Variants in TMPRSS11F observed in about 807,000 individuals in gnomAD.
TMPRSS11F encodes the protein transmembrane protease serine 11F.
TMPRSS11F carries 47 observed loss-of-function variants against 60.2 expected under a neutral mutation model. The ratio of observed to expected loss-of-function variants is 0.78; its 90% CI spans 0.62 to 1.00. The LOEUF (loss-of-function observed/expected upper bound fraction) is 1.00, where lower values mean the gene tolerates loss of function less well. Ranked by LOEUF, TMPRSS11F falls within the 50% of genes least tolerant of loss-of-function variation. The pLI, the probability that TMPRSS11F is intolerant of heterozygous loss-of-function variation, is 0.00. For synonymous variants in TMPRSS11F, 166 were observed against 167.3 expected, an observed-to-expected ratio of 0.99 and a Z score of 0.06; for missense variants, 519 against 522.9, an observed-to-expected ratio of 0.99 and a Z score of 0.07.
At chr4:68,090,312 C>G (rs1170700038) in intron 3 of TMPRSS11F, among the ~76,000 whole-genome samples, 1 of 152,056 alleles carries the variant, frequency 6.6e-6, no homozygotes, top group Non-Finnish European at 1.5e-5. Context: ...GTTGCCTACT[C>G]TAATCTACTA....
intron 1 of TMPRSS11F, among the ~76,000 whole-genome samples, chr4:68,104,394 T>C (rs987365072): frequency 6.6e-6 from 1 of 152,128 alleles, no homozygotes. Flanking sequence ...AGGAGGGACC[T>C]GGTGGGAGGT....
At position 68,068,715 on chromosome 4, in the gene TMPRSS11F, AT is replaced by A; in HGVS notation, c.657del (p.Trp220GlyfsTer8). On this transcript the variant is annotated frameshift_variant, in exon 7 of 10. Transcript: ENST00000356291. LOFTEE classifies it high-confidence loss of function. ...CCTATGAGCTGGAGGCTGGCCTGCC[AT>A]GGCCATTCCCCTTCCATAGCTGTTT... ...GRETAMEGEW[P>X]WQASLQLIGS... 6.2e-7 allele frequency: 1 copy of A among 1,614,224 alleles called. No individual in the cohort carries two copies. The highest frequency in any genetic ancestry group is 8.5e-7 in the Non-Finnish European group (1 of 1,180,018).
At chr4:68,115,356 C>CAAAAAAAAAAAA (rs57550471) in intron 1 of TMPRSS11F, among the ~76,000 whole-genome samples, 1 of 74,690 alleles carries the variant, frequency 1.3e-5, no homozygotes, top group African/African-American at 5.3e-5. Flanking sequence ...GACACCATCT[C>CAAAAAAAAAAAA]AAAAAAAAAA....
chr4:68,068,095 C>A (rs1417830070), intron 7 of TMPRSS11F, among the ~76,000 whole-genome samples: 1 of 152,082 alleles, frequency 6.6e-6, no homozygotes, highest in Non-Finnish European at 1.5e-5. Flanking sequence ...GGGAGTAAGA[C>A]AAGGTAGCAG....
chr4:68,103,519 CCT>C (rs1191443114), intron 1 of TMPRSS11F, among the ~76,000 whole-genome samples: 1 of 151,866 alleles, frequency 6.6e-6, no homozygotes, highest in African/African-American at 2.4e-5. Context: ...GTTTTACTGC[CCT>C]GTTAGTCTTT....
intron 3 of TMPRSS11F, 140 bp downstream of exon 3, chr4:68,090,383 C>T (rs774372494): frequency 4.2e-5 from 54 of 1,296,802 alleles, no homozygotes; most frequent in Non-Finnish European, 5.2e-5. Flanking sequence ...TAATTTAATC[C>T]TCACAACTGT....
At chr4:68,087,700 TA>T (rs1435675304) in intron 3 of TMPRSS11F, among the ~76,000 whole-genome samples, 2 of 11,270 alleles carry the variant, frequency 1.8e-4, no homozygotes, top group Non-Finnish European at 7.0e-4. Flanking sequence ...AGTAGCATTT[TA>T]TTTATTTATT....
intron 2 of TMPRSS11F, among the ~76,000 whole-genome samples, chr4:68,091,474 G>A (rs545095755): frequency 1.3e-4 from 20 of 152,108 alleles, no homozygotes; most frequent in African/African-American, 4.1e-4. Context: ...TTTATCTTTA[G>A]ACCAAACCTT....
chr4:68,108,641 C>T (rs776119491), intron 1 of TMPRSS11F, among the ~76,000 whole-genome samples: 2 of 152,190 alleles, frequency 1.3e-5, no homozygotes, highest in African/African-American at 2.4e-5. Flanking sequence ...TTTCTAATGT[C>T]ACCTCTATAA....
At chr4:68,102,881 A>T (rs535831614) in intron 1 of TMPRSS11F, among the ~76,000 whole-genome samples, 1 of 151,904 alleles carries the variant, frequency 6.6e-6, no homozygotes, top group South Asian at 2.1e-4. Context: ...TACCCAAAAA[A>T]TCACTGCCAA....
At chr4:68,060,384 C>T (rs560649002) in intron 8 of TMPRSS11F, among the ~76,000 whole-genome samples, 1 of 149,986 alleles carries the variant, frequency 6.7e-6, no homozygotes, top group Non-Finnish European at 1.5e-5. Context: ...GGCGTGATGG[C>T]GGGTGCCTGT....
intron 8 of TMPRSS11F, chr4:68,062,118 A>C: frequency 2.2e-6 from 1 of 449,732 alleles, no homozygotes; most frequent in Non-Finnish European, 4.4e-6. Context: ...AGAACATTAC[A>C]AACACCAGGG....
rs561721285 is a variant in TMPRSS11F, at chr4:68,115,174, C to G, written c.11+14636G>C. ...ACCATCCTGGCTAATACGGTGAAAC[C>G]TCGTCTTTACTAAAAAATACAAAAA... On this transcript the variant is annotated intron_variant, in intron 1 of 9. Transcript: ENST00000356291. Among the ~76,000 whole-genome samples the G allele has an allele frequency of 2.2e-4, 33 of 150,730 alleles. No individual in the cohort carries two copies. In the South Asian group the frequency reaches 5.7e-3, roughly 26 times the overall value.
chr4:68,054,262 A>T (rs1722997453), intron 9 of TMPRSS11F, among the ~76,000 whole-genome samples, 195 bp from the exon 10 acceptor site: 1 of 152,120 alleles, frequency 6.6e-6, no homozygotes, highest in African/African-American at 2.4e-5. Flanking sequence ...AGGAAGGCTA[A>T]CATTCATTCA....
intron 8 of TMPRSS11F, among the ~76,000 whole-genome samples, chr4:68,061,149 TAG>T (rs1490405428): frequency 1.3e-5 from 2 of 152,170 alleles, no homozygotes; most frequent in African/African-American, 4.8e-5. Flanking sequence ...CCTGATTAAT[TAG>T]AGTTTCTAAA....
chr4:68,068,891 T>G, intron 6 of TMPRSS11F, 72 bp from the exon 7 acceptor site: 1 of 1,500,010 alleles, frequency 6.7e-7, no homozygotes, highest in Non-Finnish European at 9.2e-7. Flanking sequence ...TTGCTTTGGT[T>G]ATAGACAATC....
At position 68,054,011 on chromosome 4, in the gene TMPRSS11F, A is replaced by T. The variant is rs1330958258; in HGVS notation, c.1215T>A (p.Gly405=). ...YDNHDIWYIV[G]IVSWGQSCAL... ...CACATGATTGTCCCCAACTTACTAT[A>T]CCTACAATGTACCAGATGTCATGAT... The change falls in exon 10 of 10, where the codon GGT becomes GGA. Residue 405 remains glycine, a synonymous_variant. Transcript: ENST00000356291. The T allele has an allele frequency of 6.2e-7, 1 of 1,613,446 alleles. No homozygotes were observed. Among genetic ancestry groups the T allele is most frequent in the Admixed American group, 1.7e-5 (1 of 59,972 alleles).
At position 68,082,795 on chromosome 4, in the gene TMPRSS11F, G is replaced by A. The variant is rs144405569; in HGVS notation, c.282+7728C>T. ...CAGAACACTGAGAAGAGTGAGACATGGATTGATGGGCTGGTACAGAAGCTG... is the reference window on the plus strand; with the variant it reads ...CAGAACACTGAGAAGAGTGAGACATAGATTGATGGGCTGGTACAGAAGCTG... On this transcript the variant is annotated intron_variant, in intron 3 of 9. Transcript: ENST00000356291. Among the ~76,000 whole-genome samples the A allele has an allele frequency of 7.2e-3, 1,096 of 152,342 alleles. 2 individuals carry two copies. Among genetic ancestry groups the A allele is most frequent in the Non-Finnish European group, 0.012 (803 of 68,026 alleles).
chr4:68,077,006 A>G (rs904180884), intron 3 of TMPRSS11F, among the ~76,000 whole-genome samples: 2 of 152,210 alleles, frequency 1.3e-5, no homozygotes, highest in Non-Finnish European at 2.9e-5. Flanking sequence ...TTCCCACAGC[A>G]TTACCCACTC....
Sources: allele counts gnomAD v4.1 joint callset (sites outside exome capture counted in the v4.1 genomes callset), GRCh38; gene constraint gnomAD v4.1.1; transcripts MANE v1.5; gene names NCBI Gene and HGNC (gene_info 2026-07-23, HGNC 2026-07-21).